The following PTPRT variants were observed in gnomAD, a reference collection of about 807,000 sequenced individuals.
PTPRT encodes the protein protein tyrosine phosphatase receptor type T, also known as receptor-type tyrosine-protein phosphatase T.
Under a neutral mutation model 176.8 loss-of-function variants are expected in PTPRT, and 56 were observed. That is an observed-to-expected ratio of 0.32 (90% CI 0.26 to 0.40). PTPRT has a LOEUF of 0.40. Among genes scored for constraint, PTPRT ranks in the 10% least tolerant of loss-of-function variants. The pLI, the probability that PTPRT is intolerant of heterozygous loss-of-function variation, is 1.00. For missense variants in PTPRT, 1,540 were observed against 1,908.2 expected (o/e 0.81, Z 3.60); for synonymous variants, 783 against 739.0 (o/e 1.06, Z -0.96).
At chr20:42,330,963 A>G (rs971932126) in intron 11 of PTPRT, among the ~76,000 whole-genome samples, 2 of 152,342 alleles carry the variant, frequency 1.3e-5, no homozygotes, top group East Asian at 3.9e-4. Flanking sequence ...TCATTTGCAC[A>G]TTAAATTTTG....
At chr20:42,406,446 A>G (rs1319198789) in intron 9 of PTPRT, among the ~76,000 whole-genome samples, 1 of 152,114 alleles carries the variant, frequency 6.6e-6, no homozygotes, top group African/African-American at 2.4e-5. Flanking sequence ...TCTAGTAAAT[A>G]AAATGAAATT....
chr20:42,830,917 C>T (rs1018006307), intron 2 of PTPRT, among the ~76,000 whole-genome samples: 3 of 152,178 alleles, frequency 2.0e-5, no homozygotes, highest in Non-Finnish European at 2.9e-5. Context: ...TGGAAAAACA[C>T]TCCATGCTCA....
chr20:42,366,494 GAA>G (rs1402336040), intron 9 of PTPRT, among the ~76,000 whole-genome samples: 5 of 152,252 alleles, frequency 3.3e-5, no homozygotes, highest in Non-Finnish European at 7.4e-5. Context: ...TGGCTCCCAA[GAA>G]GCTCTACCTT....
At chr20:42,272,809 A>ACTGGC (rs1300473381) in intron 13 of PTPRT, among the ~76,000 whole-genome samples, 3 of 152,294 alleles carry the variant, frequency 2.0e-5, no homozygotes, top group Non-Finnish European at 4.4e-5. Context: ...ATCTGGTCAC[A>ACTGGC]CTGGCCTACT....
At chr20:42,172,764 G>T (rs1333108819) in intron 16 of PTPRT, among the ~76,000 whole-genome samples, 3 of 152,024 alleles carry the variant, frequency 2.0e-5, no homozygotes, top group African/African-American at 7.2e-5. Flanking sequence ...CCCATGTGTA[G>T]ACCTGTGTGA....
At chr20:42,650,745 A>G (rs557284182) in intron 7 of PTPRT, among the ~76,000 whole-genome samples, 1 of 152,348 alleles carries the variant, frequency 6.6e-6, no homozygotes, top group Admixed American at 6.5e-5. Flanking sequence ...GCAAAGATAA[A>G]GTAGAAGAGA....
At chr20:42,852,054 T>C (rs1270224106) in intron 2 of PTPRT, among the ~76,000 whole-genome samples, 2 of 152,226 alleles carry the variant, frequency 1.3e-5, no homozygotes, top group African/African-American at 4.8e-5. Context: ...AGCCACTAAA[T>C]TGCTTATAGT....
chr20:42,282,562 T>G, intron 12 of PTPRT, 37 bp from the exon 13 acceptor site: 1 of 1,557,220 alleles, frequency 6.4e-7, no homozygotes, highest in Non-Finnish European at 8.8e-7. Context: ...ATTAATTAGC[T>G]GTGAGTTATA....
intron 9 of PTPRT, among the ~76,000 whole-genome samples, chr20:42,355,827 T>C (rs2058351048): frequency 6.6e-6 from 1 of 152,154 alleles, no homozygotes; most frequent in South Asian, 2.1e-4. Context: ...TCATGCCTTA[T>C]TTACTAGCCA....
intron 11 of PTPRT, among the ~76,000 whole-genome samples, chr20:42,325,990 T>C (rs1042781745): frequency 2.0e-5 from 3 of 152,108 alleles, no homozygotes; most frequent in Non-Finnish European, 4.4e-5. Context: ...GCTTACTTTT[T>C]CACCTCTGCC....
At chr20:42,594,147 G>A (rs1275978695) in intron 7 of PTPRT, among the ~76,000 whole-genome samples, 1 of 152,112 alleles carries the variant, frequency 6.6e-6, no homozygotes, top group African/African-American at 2.4e-5. Flanking sequence ...AAAGAAGTGA[G>A]AGACATGTGG....
intron 2 of PTPRT, among the ~76,000 whole-genome samples, chr20:42,792,100 TG>T (rs1282246262): frequency 6.6e-6 from 1 of 152,216 alleles, no homozygotes; most frequent in Non-Finnish European, 1.5e-5. Flanking sequence ...CAGTAGCTGC[TG>T]CCCCTTTCAG....
intron 12 of PTPRT, among the ~76,000 whole-genome samples, chr20:42,314,584 C>T (rs1410109924): frequency 6.7e-6 from 1 of 149,632 alleles, no homozygotes; most frequent in African/African-American, 2.5e-5. Flanking sequence ...GAAAATATGA[C>T]CACCTTGATG....
chr20:42,935,561 CCA>C (rs1980135166), intron 1 of PTPRT, among the ~76,000 whole-genome samples: 1 of 152,190 alleles, frequency 6.6e-6, no homozygotes, highest in Admixed American at 6.5e-5. Flanking sequence ...AGGCCTCTTT[CCA>C]CAGAAAGGCT....
intron 17 of PTPRT, among the ~76,000 whole-genome samples, chr20:42,143,717 C>T (rs1056234529): frequency 6.6e-6 from 1 of 152,128 alleles, no homozygotes; most frequent in Admixed American, 6.5e-5. Flanking sequence ...TCAGAGATAA[C>T]AAGTCAGGCA....
In PTPRT at chr20:42,958,223, G is replaced by C. The variant is rs191845726; in HGVS notation, c.89-72291C>G. On this transcript the variant is annotated intron_variant, in intron 1 of 30. Coordinates refer to ENST00000373187, the MANE Select transcript of PTPRT (RefSeq NM_007050.6). ...AGAAGGTGGGGGACAGGGAGAGAGG[G>C]AGACAGGGAGAGGGAGAAAGGGAGG... 3.1e-4 allele frequency among the ~76,000 whole-genome samples: 32 copies of C among 103,982 alleles called. 1 individual carries two copies. Among genetic ancestry groups the C allele is most frequent in the African/African-American group, 1.2e-3 (30 of 24,626 alleles). 68.2% of individuals were successfully genotyped at this position (103,982 alleles called of 152,430 possible). A position where few individuals can be genotyped will look rare whatever the true frequency, so the allele number is the denominator to read the frequency against.
At chr20:42,917,483 T>G (rs1374300013) in intron 1 of PTPRT, among the ~76,000 whole-genome samples, 2 of 152,190 alleles carry the variant, frequency 1.3e-5, no homozygotes, top group African/African-American at 4.8e-5. Flanking sequence ...AAGTAGTTTT[T>G]TCCAATTCTG....
chr20:42,424,218 T>G (rs1433062541), intron 9 of PTPRT, among the ~76,000 whole-genome samples: 2 of 152,192 alleles, frequency 1.3e-5, no homozygotes, highest in Non-Finnish European at 2.9e-5. Context: ...TTTCCAAACC[T>G]CAAAAAACAA....
intron 2 of PTPRT, among the ~76,000 whole-genome samples, chr20:42,830,874 C>G (rs2078072996): frequency 6.6e-6 from 1 of 152,102 alleles, no homozygotes; most frequent in Admixed American, 6.6e-5. Flanking sequence ...TTATGAAACA[C>G]TGCTCGAATA....
Sources: allele counts gnomAD v4.1 joint callset (sites outside exome capture counted in the v4.1 genomes callset), GRCh38; gene constraint gnomAD v4.1.1; transcripts MANE v1.5; gene names NCBI Gene and HGNC (gene_info 2026-07-23, HGNC 2026-07-21).